The following IQSEC1 variants were observed in gnomAD, a reference collection of about 807,000 sequenced individuals.
IQSEC1 encodes the protein IQ motif and SEC7 domain-containing protein 1.
IQSEC1 carries 31 observed loss-of-function variants against 91.0 expected under a neutral mutation model. That is an observed-to-expected ratio of 0.34 (90% CI 0.26 to 0.46). The LOEUF (loss-of-function observed/expected upper bound fraction) is 0.46. IQSEC1 is among the 20% of genes least tolerant of loss of function. The pLI is 1.00. For missense variants in IQSEC1, 1,388 were observed against 1,575.6 expected (o/e 0.88, Z 2.02); for synonymous variants, 699 against 662.6 (o/e 1.05, Z -0.84).
chr3:13,224,808 A>T (rs975548218), intron 1 of IQSEC1, among the ~76,000 whole-genome samples: 5 of 152,258 alleles, frequency 3.3e-5, no homozygotes, highest in Admixed American at 3.3e-4. Flanking sequence ...CCAGAGGCAC[A>T]TCAGGCAGGT....
chr3:13,054,344 A>G (rs1328899218), intron 1 of IQSEC1, among the ~76,000 whole-genome samples: 1 of 152,230 alleles, frequency 6.6e-6, no homozygotes, highest in Non-Finnish European at 1.5e-5. Context: ...GTGTTGGACC[A>G]TTCTTAGGGC....
intron 1 of IQSEC1, among the ~76,000 whole-genome samples, chr3:13,191,344 C>T (rs573094992): frequency 4.6e-5 from 7 of 152,352 alleles, no homozygotes; most frequent in East Asian, 1.9e-4. Context: ...TAGCTATCTT[C>T]GTCGTATTCA....
chr3:12,921,416 C>T (rs941454630), intron 5 of IQSEC1, among the ~76,000 whole-genome samples: 11 of 152,210 alleles, frequency 7.2e-5, no homozygotes, highest in African/African-American at 1.2e-4. Context: ...TGACCTGTGC[C>T]GCCCACACCC....
Position 12,908,626 on chromosome 3 carries a change from T to C in IQSEC1, c.2579-101A>G, listed in dbSNP as rs1385747096. The stretch of plus-strand genomic sequence containing the variant: ...GAGCTAGCACTGTCCTGAGCCACCA[T>C]CTGCTTGGAATGGGGAAGGGTTGTT... On this transcript the variant is annotated intron_variant, in intron 11 of 13. Transcript: ENST00000613206. This position sits in a 1 kb window ranked among gnomAD's most constrained non-coding sequence, Gnocchi z 4.9. 1.5e-6 allele frequency: 2 copies of C among 1,291,346 alleles called. No individual in the cohort carries two copies. Among genetic ancestry groups the C allele is most frequent in the East Asian group, 2.3e-5 (1 of 42,986 alleles). The allele number at this position is 1,291,346 out of a possible 1,614,324, so 80.0% of individuals were successfully genotyped here.
chr3:12,899,188 G>T lies in IQSEC1; in HGVS notation c.*1795C>A. The T allele has an allele frequency of 3.3e-6, 2 of 603,888 alleles. No homozygotes were observed. The allele number at this position is 603,888 out of a possible 1,614,324, so 37.4% of individuals were successfully genotyped here. ...GGGAGGGATGTGAGGAGGGAAATCG[G>T]CAAAACCCTGGCCAGCCAGCCAGCC... is the stretch of plus-strand genomic sequence containing the variant. On this transcript the variant is annotated 3_prime_UTR_variant, in exon 14 of 14. Coordinates refer to ENST00000613206, the MANE Select transcript of IQSEC1 (RefSeq NM_001134382.3).
Position 12,924,437 on chromosome 3 carries a change from A to G in IQSEC1, c.1730+144T>C. The stretch of plus-strand genomic sequence containing the variant: ...GTGGGGCATCTGCATGTGTGTGTCT[A>G]GGACTTAGGAAGAGAGAAAGGGGGG... On this transcript the variant is annotated intron_variant, in intron 4 of 13. Transcript: ENST00000613206. This position sits in a 1 kb window ranked among gnomAD's most constrained non-coding sequence, Gnocchi z 6.3. The G allele has an allele frequency of 3.8e-6, 3 of 788,264 alleles. No individual in the cohort carries two copies. In the South Asian group the frequency reaches 6.0e-5, roughly 16 times the overall value. 48.8% of individuals were successfully genotyped at this position (788,264 alleles called of 1,614,324 possible). A position where few individuals can be genotyped will look rare whatever the true frequency, so the allele number is the denominator to read the frequency against.
chr3:13,170,328 T>G (rs1219523634), intron 1 of IQSEC1, among the ~76,000 whole-genome samples: 1 of 152,254 alleles, frequency 6.6e-6, no homozygotes, highest in Non-Finnish European at 1.5e-5. Flanking sequence ...TGGAAACGCA[T>G]GGATGCCCAG....
intron 2 of IQSEC1, among the ~76,000 whole-genome samples, chr3:13,102,454 G>A (rs375868446): frequency 2.0e-5 from 3 of 152,180 alleles, no homozygotes; most frequent in South Asian, 2.1e-4. Context: ...TTCCTCACCC[G>A]TGTGGTTTGG....
chr3:13,030,121 A>G (rs1703789039), intron 1 of IQSEC1, among the ~76,000 whole-genome samples: 1 of 152,118 alleles, frequency 6.6e-6, no homozygotes, highest in African/African-American at 2.4e-5. Flanking sequence ...TTTTTTTTAT[A>G]CAGTCTAACT....
chr3:13,097,900 A>T (rs1705991617), intron 2 of IQSEC1, among the ~76,000 whole-genome samples: 1 of 152,248 alleles, frequency 6.6e-6, no homozygotes, highest in African/African-American at 2.4e-5. Context: ...TCAGTGGTAT[A>T]GGAGGTGCCC....
At chr3:13,228,778 T>G (rs1430781356) in intron 1 of IQSEC1, among the ~76,000 whole-genome samples, 1 of 152,164 alleles carries the variant, frequency 6.6e-6, no homozygotes. Flanking sequence ...TCAGGGCCTT[T>G]GCACATGCTG....
At chr3:13,242,992 A>T (rs916368586) in intron 1 of IQSEC1, among the ~76,000 whole-genome samples, 4 of 152,126 alleles carry the variant, frequency 2.6e-5, no homozygotes, top group African/African-American at 4.8e-5. Flanking sequence ...GGTTGATTGG[A>T]GAACTTGAGA....
intron 2 of IQSEC1, among the ~76,000 whole-genome samples, chr3:13,127,787 T>C (rs1488500261): frequency 6.6e-6 from 1 of 152,234 alleles, no homozygotes; most frequent in Non-Finnish European, 1.5e-5. Flanking sequence ...ATGGTATGTC[T>C]TTCCATTTGG....
intron 1 of IQSEC1, among the ~76,000 whole-genome samples, chr3:13,277,292 G>A (rs997443459): frequency 3.3e-5 from 5 of 151,892 alleles, no homozygotes; most frequent in African/African-American, 4.8e-5. Context: ...CACTCCCCCC[G>A]GCACAGCAAA....
chr3:12,966,165 G>GCC (rs1404884285), intron 1 of IQSEC1, among the ~76,000 whole-genome samples: 5 of 152,198 alleles, frequency 3.3e-5, no homozygotes, highest in Non-Finnish European at 7.4e-5. Context: ...ATTCCAGACA[G>GCC]ATGGTCTTGC....
In IQSEC1 at chr3:13,211,586, A is replaced by G. The variant is rs80007365; in HGVS notation, c.273-47453T>C. Reference sequence around the variant, plus strand: ...TAGGAGCCCACAGGGCCAGCAGGAGAGTCACCATCCTTGCCTCTCCATGGC... The same window carrying G: ...TAGGAGCCCACAGGGCCAGCAGGAGGGTCACCATCCTTGCCTCTCCATGGC... On this transcript the variant is annotated intron_variant, in intron 1 of 15. Coordinates refer to the IQSEC1 transcript ENST00000648114. The surrounding 1 kb of genome is among the most constrained non-coding windows in gnomAD (Gnocchi z 5.3). Among the ~76,000 whole-genome samples, 1 of 152,070 alleles carries G rather than the reference A, an allele frequency of 6.6e-6. No individual in the cohort carries two copies. Among genetic ancestry groups the G allele is most frequent in the South Asian group, 2.1e-4 (1 of 4,808 alleles).
chr3:13,135,134 T>C (rs905792982), intron 2 of IQSEC1, among the ~76,000 whole-genome samples: 3 of 152,206 alleles, frequency 2.0e-5, no homozygotes, highest in Non-Finnish European at 2.9e-5. Context: ...ATCTGCAGGA[T>C]GGGCATGTGA....
intron 2 of IQSEC1, among the ~76,000 whole-genome samples, chr3:13,133,061 G>A (rs144165002): frequency 2.6e-5 from 4 of 152,362 alleles, no homozygotes; most frequent in African/African-American, 9.6e-5. Flanking sequence ...GAAGCACAGA[G>A]GTAACACCAT....
At chr3:13,021,958 C>A (rs1373975993) in intron 1 of IQSEC1, 12 of 1,018,822 alleles carry the variant, frequency 1.2e-5, no homozygotes, top group Non-Finnish European at 1.3e-5. Flanking sequence ...CCTTCCTGGA[C>A]CCTGTACAGC....
Sources: allele counts gnomAD v4.1 joint callset (sites outside exome capture counted in the v4.1 genomes callset), GRCh38; gene constraint gnomAD v4.1.1; non-coding constraint Gnocchi (gnomAD v3.1); transcripts MANE v1.5; gene names NCBI Gene and HGNC (gene_info 2026-07-23, HGNC 2026-07-21).